PUM2: variants seen among roughly 807,000 people sequenced by gnomAD.
PUM2 encodes pumilio homolog 2.
In PUM2, 57 loss-of-function variants were observed where a neutral mutation model predicts 124.5. That is an observed-to-expected ratio of 0.46 (90% CI 0.37 to 0.57). PUM2 has a LOEUF of 0.57. Ranked by LOEUF, PUM2 falls within the 20% of genes least tolerant of loss-of-function variation. PUM2 has a pLI of 0.00. For missense variants in PUM2, 1,065 were observed against 1,290.6 expected (o/e 0.83, Z 2.68); for synonymous variants, 460 against 446.1 (o/e 1.03, Z -0.39).
At chr2:20,339,913 A>T (rs1686898010) in intron 1 of PUM2, among the ~76,000 whole-genome samples, 1 of 152,160 alleles carries the variant, frequency 6.6e-6, no homozygotes, top group Non-Finnish European at 1.5e-5. Context: ...TAAATAAAAG[A>T]AAAACACAGG....
chr2:20,351,125 G>A (rs1310018460), upstream of PUM2, among the ~76,000 whole-genome samples: 2 of 152,226 alleles, frequency 1.3e-5, no homozygotes, highest in South Asian at 4.1e-4. Flanking sequence ...CAAACGCTGT[G>A]TTCGACTGTC....
chr2:20,318,090 T>A (rs1221297803), intron 3 of PUM2, among the ~76,000 whole-genome samples: 2 of 152,232 alleles, frequency 1.3e-5, no homozygotes, highest in Non-Finnish European at 2.9e-5. Context: ...ATTCTGTTTT[T>A]ACTTCTCTGA....
intron 5 of PUM2, among the ~76,000 whole-genome samples, chr2:20,310,284 T>C (rs1487850697): frequency 6.6e-6 from 1 of 152,032 alleles, no homozygotes; most frequent in African/African-American, 2.4e-5. Flanking sequence ...AGAATGCTAA[T>C]AAATGTAAAG....
chr2:20,250,364 A>G lies in PUM2; in HGVS notation c.*1221T>C, dbSNP rs921711929. 1 of 152,628 alleles carries G rather than the reference A, an allele frequency of 6.6e-6. No individual in the cohort carries two copies. The highest frequency in any genetic ancestry group is 2.4e-5 in the African/African-American group (1 of 41,476). 9.5% of individuals were successfully genotyped at this position (152,628 alleles called of 1,614,324 possible). Reference sequence around the variant, plus strand: ...TATACAACACTATATTGCCAGGTCAAAGAGGGCAGGGACGTAAATGTACAC... The same window carrying G: ...TATACAACACTATATTGCCAGGTCAGAGAGGGCAGGGACGTAAATGTACAC... On this transcript the variant is annotated 3_prime_UTR_variant, in exon 21 of 21. Coordinates refer to ENST00000361078, the MANE Select transcript of PUM2 (RefSeq NM_015317.5).
intron 13 of PUM2, among the ~76,000 whole-genome samples, chr2:20,278,349 T>C (rs192675973): frequency 3.9e-5 from 6 of 152,218 alleles, no homozygotes; most frequent in Non-Finnish European, 7.4e-5. Flanking sequence ...CACACCATTA[T>C]ATTTCATAAA....
intron 1 of PUM2, chr2:20,350,259 C>G (rs2149206164): frequency 6.0e-6 from 1 of 167,994 alleles, no homozygotes; most frequent in African/African-American, 2.4e-5. Context: ...TTTCCGAACC[C>G]TAGGGCCGAC....
At chr2:20,254,600 T>C (rs565537723) in intron 19 of PUM2, among the ~76,000 whole-genome samples, 12 of 152,320 alleles carry the variant, frequency 7.9e-5, no homozygotes, top group African/African-American at 2.9e-4. Flanking sequence ...TCAAGAAACA[T>C]GTACTAAATA....
At chr2:20,328,222 G>C (rs1684124637) in intron 1 of PUM2, among the ~76,000 whole-genome samples, 1 of 152,176 alleles carries the variant, frequency 6.6e-6, no homozygotes, top group Non-Finnish European at 1.5e-5. Flanking sequence ...TGTAGTCCCA[G>C]CTATTCGGGT....
At position 20,308,450 on chromosome 2, in the gene PUM2, T is replaced by C. The variant is rs1678852761; in HGVS notation, c.653A>G (p.Asn218Ser). ...GGCATCCAGATTCTGAGTTTCAGGA[T>C]TTGAAAATTCTTCAACAAGTGGTTT... ...ANKPLVEEFS[N>S]PETQNLDAME... Residue 218 changes from asparagine (N) to serine (S), a missense_variant, in exon 6 of 21, where the codon AAT becomes AGT. By Grantham distance (46) the Asn-to-Ser change is conservative. This residue lies in a region of PUM2 where 968 missense variants were observed against 1,159.8 expected (regional missense o/e 0.83). Transcript: ENST00000361078. 2 of 1,614,154 alleles carry C rather than the reference T, an allele frequency of 1.2e-6. No individual in the cohort carries two copies. Among genetic ancestry groups the C allele is most frequent in the Non-Finnish European group, 1.7e-6 (2 of 1,179,998 alleles).
chr2:20,278,798 C>G lies in PUM2; in HGVS notation c.1742G>C (p.Ser581Thr). 6.2e-7 allele frequency: 1 copy of G among 1,612,578 alleles called. No individual in the cohort carries two copies. The highest frequency in any genetic ancestry group is 8.5e-7 in the Non-Finnish European group (1 of 1,179,036). ...GSSVGSSASS[S>T]ATRRESLSTS... ...AGATAGAGACTCTCTCCTTGTGGCA[C>G]TACTACTTGCAGAACTGCCAACTGA... Residue 581 changes from serine (S) to threonine (T), a missense_variant, in exon 13 of 21, where the codon AGT (serine) becomes ACT (threonine). Around this residue, in one of 3 missense-constraint regions of PUM2, gnomAD observed 968 missense variants for 1,159.8 expected, o/e 0.83. Transcript: ENST00000361078.
chr2:20,319,204 T>C (rs1395629473), intron 2 of PUM2, among the ~76,000 whole-genome samples: 1 of 152,250 alleles, frequency 6.6e-6, no homozygotes, highest in Non-Finnish European at 1.5e-5. Flanking sequence ...CTGTGCTCTA[T>C]CCTATACTGT....
intron 7 of PUM2, among the ~76,000 whole-genome samples, chr2:20,299,092 A>C (rs938399189): frequency 6.6e-6 from 1 of 152,150 alleles, no homozygotes; most frequent in African/African-American, 2.4e-5. Flanking sequence ...ACTCCAGCAA[A>C]TCAAACCCAA....
intron 13 of PUM2, among the ~76,000 whole-genome samples, chr2:20,275,027 GC>G (rs1393692722): frequency 7.8e-6 from 1 of 128,396 alleles, no homozygotes; most frequent in East Asian, 2.4e-4. Flanking sequence ...TAGGTAGATT[GC>G]CCCCCTCCTA....
At chr2:20,312,479 T>C (rs1679838359) in intron 3 of PUM2, 56 bp from the exon 4 acceptor site, 7 of 1,456,044 alleles carry the variant, frequency 4.8e-6, no homozygotes, top group African/African-American at 1.4e-5. Flanking sequence ...AAACAAAATG[T>C]AGTTAAATTA....
At chr2:20,290,627 T>C in intron 10 of PUM2, 25 bp downstream of exon 10, 2 of 1,585,216 alleles carry the variant, frequency 1.3e-6, no homozygotes, top group East Asian at 4.5e-5. Flanking sequence ...TCTATTCAAA[T>C]TTCCACAAAT....
intron 13 of PUM2, among the ~76,000 whole-genome samples, chr2:20,266,259 A>G (rs749584489): frequency 1.3e-5 from 2 of 152,256 alleles, no homozygotes; most frequent in East Asian, 1.9e-4. Flanking sequence ...CTTGGGCAAC[A>G]TGGCAAAACC....
In PUM2 at chr2:20,278,796, C is replaced by A. The variant is rs1193372812; in HGVS notation, c.1744G>T (p.Ala582Ser). 6.2e-7 allele frequency: 1 copy of A among 1,612,528 alleles called. No homozygotes were observed. Among genetic ancestry groups the A allele is most frequent in the Admixed American group, 1.7e-5 (1 of 59,896 alleles). Residue 582 changes from alanine to serine, a missense_variant, in exon 13 of 21, where the codon GCC becomes TCC. Transcript: ENST00000361078. The stretch of plus-strand genomic sequence containing the variant: ...GTAGATAGAGACTCTCTCCTTGTGG[C>A]ACTACTACTTGCAGAACTGCCAACT... ...SSVGSSASSS[A>S]TRRESLSTSS...
chr2:20,277,451 T>C (rs1169189958), intron 13 of PUM2, among the ~76,000 whole-genome samples: 1 of 152,048 alleles, frequency 6.6e-6, no homozygotes, highest in Admixed American at 6.6e-5. Flanking sequence ...ATGTTCAGTA[T>C]CAATACCCCA....
At chr2:20,290,099 G>C (rs1673651619) in intron 10 of PUM2, among the ~76,000 whole-genome samples, 1 of 152,082 alleles carries the variant, frequency 6.6e-6, no homozygotes. Flanking sequence ...CCCAAAAGTT[G>C]TACAGTAGCA....
Sources: gnomAD v4.1 joint callset for allele counts (sites outside exome capture counted in the v4.1 genomes callset) on GRCh38, gnomAD v4.1.1 for gene constraint, gnomAD v4.1.1 regional missense constraint, MANE v1.5 for transcripts, NCBI Gene and HGNC (gene_info 2026-07-23, HGNC 2026-07-21) for gene names.